Variants in SNX25 observed in about 807,000 individuals in gnomAD.
SNX25 encodes sorting nexin 25, also known as sorting nexin-25.
A neutral mutation model predicts 113.7 loss-of-function variants in SNX25; 62 were observed. The ratio of observed to expected loss-of-function variants is 0.55; its 90% confidence interval spans 0.44 to 0.67. The LOEUF (loss-of-function observed/expected upper bound fraction) is 0.67. SNX25 is among the 30% of genes least tolerant of loss of function. The pLI is 0.00. For synonymous variants in SNX25, 421 were observed against 436.2 expected (o/e 0.97, Z 0.43); for missense variants, 1,014 against 1,161.0 (o/e 0.87, Z 1.84).
At chr4:185,218,696 T>G (rs80326948) in intron 1 of SNX25, among the ~76,000 whole-genome samples, 1,794 of 152,324 alleles carry the variant, frequency 0.012, 11 homozygotes, top group Non-Finnish European at 0.018. Flanking sequence ...TTGTGCATCC[T>G]TAGGATAAGA....
intron 2 of SNX25, among the ~76,000 whole-genome samples, chr4:185,258,315 T>A (rs1355314518): frequency 6.6e-6 from 1 of 152,128 alleles, no homozygotes; most frequent in Non-Finnish European, 1.5e-5. Context: ...TGCCTGCTGC[T>A]AAATGTGGCA....
At chr4:185,245,376 C>T (rs1458682990) in intron 1 of SNX25, among the ~76,000 whole-genome samples, 2 of 151,888 alleles carry the variant, frequency 1.3e-5, no homozygotes, top group South Asian at 4.2e-4. Flanking sequence ...GAGTCTTGCT[C>T]TCTCAGGCTG....
chr4:185,246,728 TC>T (rs1309843605), intron 1 of SNX25, among the ~76,000 whole-genome samples: 8 of 152,188 alleles, frequency 5.3e-5, no homozygotes, highest in Admixed American at 3.9e-4. Flanking sequence ...TGTCATTTTT[TC>T]CCCCTTCATA....
At chr4:185,215,338 C>A (rs1738642262) in intron 1 of SNX25, among the ~76,000 whole-genome samples, 1 of 152,196 alleles carries the variant, frequency 6.6e-6, no homozygotes, top group African/African-American at 2.4e-5. Flanking sequence ...CCCTCTCCGG[C>A]CCAGTAGATT....
chr4:185,378,594 G>GA, the SNX25 span: 3,402 of 997,596 alleles, frequency 3.4e-3, 8 homozygotes, highest in Non-Finnish European at 3.8e-3. Flanking sequence ...CCTTGTAACT[G>GA]ACACTCATCG....
intron 6 of SNX25, among the ~76,000 whole-genome samples, chr4:185,289,842 T>G (rs1200262545): frequency 1.3e-5 from 2 of 152,200 alleles, no homozygotes; most frequent in Admixed American, 6.5e-5. Context: ...TATTTTGTTA[T>G]TCCATTAGTT....
intron 6 of SNX25, among the ~76,000 whole-genome samples, chr4:185,303,772 C>G (rs1364125324): frequency 6.6e-6 from 1 of 151,722 alleles, no homozygotes; most frequent in African/African-American, 2.4e-5. Flanking sequence ...GTGAGTGATT[C>G]CGCCATCAAC....
chr4:185,361,645 G>GTTC (rs2126760600), intron 16 of SNX25, among the ~76,000 whole-genome samples: 1 of 152,238 alleles, frequency 6.6e-6, no homozygotes, highest in Non-Finnish European at 1.5e-5. Context: ...AGCTGAGGCA[G>GTTC]GAGAATCACT....
At chr4:185,323,424 CT>C in intron 8 of SNX25, 103 bp from the exon 9 acceptor site, 5 of 1,159,468 alleles carry the variant, frequency 4.3e-6, no homozygotes, top group Non-Finnish European at 6.1e-6. Context: ...CAGGGTGCAT[CT>C]TAAATGTCTT....
rs971882476 is a variant in SNX25, at chr4:185,240,088, G to C, written c.430-7206G>C. Among the ~76,000 whole-genome samples the C allele has an allele frequency of 3.3e-5, 5 of 151,882 alleles. No individual in the cohort carries two copies. In the East Asian group the frequency reaches 7.7e-4, roughly 23 times the overall value. The stretch of plus-strand genomic sequence containing the variant: ...CAGAGAGCACAGGGTTGGGGGTAAG[G>C]TCATAGATCAACAGGATCCCAAGGC... On this transcript the variant is annotated intron_variant, in intron 1 of 18. Coordinates refer to ENST00000652585, the MANE Select transcript of SNX25 (RefSeq NM_001378034.2).
intron 6 of SNX25, among the ~76,000 whole-genome samples, chr4:185,291,486 C>T (rs1752163045): frequency 6.6e-6 from 1 of 152,188 alleles, no homozygotes; most frequent in African/African-American, 2.4e-5. Flanking sequence ...TGTCTCAATT[C>T]CTAGAGCTGC....
At chr4:185,373,913 T>TA (rs1265964417), downstream of SNX25, among the ~76,000 whole-genome samples, 1 of 152,190 alleles carries the variant, frequency 6.6e-6, no homozygotes, top group Admixed American at 6.6e-5. Flanking sequence ...GATACTATAG[T>TA]ATACAAAATA....
intron 6 of SNX25, among the ~76,000 whole-genome samples, chr4:185,308,665 G>A (rs1186364102): frequency 6.6e-6 from 1 of 152,174 alleles, no homozygotes; most frequent in East Asian, 1.9e-4. Flanking sequence ...TGTAGGTGCT[G>A]GGGATATAGC....
chr4:185,297,225 A>G (rs931901440), intron 6 of SNX25, among the ~76,000 whole-genome samples: 3 of 152,194 alleles, frequency 2.0e-5, no homozygotes, highest in African/African-American at 7.2e-5. Flanking sequence ...GTAAGTACAA[A>G]TTCAGTTCCC....
intron 9 of SNX25, among the ~76,000 whole-genome samples, chr4:185,331,652 G>A (rs1049120007): frequency 6.6e-6 from 1 of 152,000 alleles, no homozygotes; most frequent in Non-Finnish European, 1.5e-5. Context: ...GTAGTGGTGG[G>A]CTCCTGTAGT....
chr4:185,327,325 A>T (rs553835412), intron 9 of SNX25, among the ~76,000 whole-genome samples: 11 of 152,328 alleles, frequency 7.2e-5, no homozygotes, highest in African/African-American at 2.6e-4. Flanking sequence ...TTGTACAGCT[A>T]AGAGTTATAG....
At chr4:185,332,133 A>G (rs991470665) in intron 9 of SNX25, among the ~76,000 whole-genome samples, 7 of 152,274 alleles carry the variant, frequency 4.6e-5, no homozygotes, top group African/African-American at 1.7e-4. Flanking sequence ...AGGACTGAAC[A>G]AAGTATATAC....
chr4:185,285,949 T>TA (rs1482165488), intron 5 of SNX25, among the ~76,000 whole-genome samples: 1 of 151,608 alleles, frequency 6.6e-6, no homozygotes, highest in Non-Finnish European at 1.5e-5. Flanking sequence ...ATTTTTTTTT[T>TA]TTATTTTTAG....
At chr4:185,239,605 C>T (rs1019748911) in intron 1 of SNX25, among the ~76,000 whole-genome samples, 10 of 152,010 alleles carry the variant, frequency 6.6e-5, no homozygotes, top group Non-Finnish European at 8.8e-5. Context: ...GATCTTGATA[C>T]GTTGTTTTCA....
Sources: gnomAD v4.1 joint callset for allele counts (sites outside exome capture counted in the v4.1 genomes callset) on GRCh38, gnomAD v4.1.1 for gene constraint, MANE v1.5 for transcripts, NCBI Gene and HGNC (gene_info 2026-07-23, HGNC 2026-07-21) for gene names.